FBXO47: variants seen among roughly 807,000 people sequenced by gnomAD.
FBXO47 encodes F-box only protein 47.
FBXO47 carries 34 observed loss-of-function variants against 53.9 expected under a neutral mutation model. The ratio of observed to expected loss-of-function variants is 0.63; its 90% CI spans 0.48 to 0.84. The LOEUF (loss-of-function observed/expected upper bound fraction) is 0.84, where lower values mean the gene tolerates loss of function less well. Among genes scored for constraint, FBXO47 ranks in the 40% least tolerant of loss-of-function variants. The pLI is 0.00. For missense variants in FBXO47, 485 were observed against 541.3 expected (o/e 0.90, Z 1.03); for synonymous variants, 165 against 181.6 (o/e 0.91, Z 0.73).
intron 1 of FBXO47, among the ~76,000 whole-genome samples, chr17:38,965,531 A>G (rs1906059436): frequency 6.6e-6 from 1 of 152,036 alleles, no homozygotes; most frequent in South Asian, 2.1e-4. Flanking sequence ...GATTGGGGTC[A>G]GTATTCAGTG....
At chr17:38,946,605 T>TGA (rs1904876338) in intron 6 of FBXO47, among the ~76,000 whole-genome samples, 12 of 73,640 alleles carry the variant, frequency 1.6e-4, no homozygotes, top group African/African-American at 2.7e-4. Flanking sequence ...AATATATGAA[T>TGA]ATATATAACT....
chr17:38,939,683 C>T (rs547719059), intron 9 of FBXO47, among the ~76,000 whole-genome samples: 5 of 96,420 alleles, frequency 5.2e-5, no homozygotes, highest in East Asian at 7.2e-4. Flanking sequence ...TTTTTTGAGA[C>T]GGAGTCTCAC....
At chr17:38,960,630 CTTTTT>C (rs947161295) in intron 3 of FBXO47, among the ~76,000 whole-genome samples, 1 of 132,522 alleles carries the variant, frequency 7.5e-6, no homozygotes. Flanking sequence ...AATTCTTTCT[CTTTTT>C]TTTTTTTTTT....
rs1273076719 is a variant in FBXO47 at position 38,947,085 on chromosome 17, T to C, written c.617-1949A>G. ...AAATATATATAAACATATATAAACA[T>C]ATATATAAACATATATATAAACATA... On this transcript the variant is annotated intron_variant, in intron 6 of 10. Coordinates refer to ENST00000378079, the MANE Select transcript of FBXO47 (RefSeq NM_001008777.3). Among the ~76,000 whole-genome samples, 7 of 113,932 alleles carry C rather than the reference T, an allele frequency of 6.1e-5. No homozygotes were observed. The East Asian group carries it at 1.8e-3, about 29-fold the overall frequency. The allele number at this position is 113,932 out of a possible 152,430, so 74.7% of individuals were successfully genotyped here.
rs1430582955 is a variant in FBXO47, at chr17:38,957,160, T to G, written c.429+17A>C. The G allele has an allele frequency of 6.7e-7, 1 of 1,489,300 alleles. No homozygotes were observed. Among genetic ancestry groups the G allele is most frequent in the Non-Finnish European group, 9.4e-7 (1 of 1,069,416 alleles). The allele number at this position is 1,489,300 out of a possible 1,614,324, so 92.3% of individuals were successfully genotyped here. A position where few individuals can be genotyped will look rare whatever the true frequency, so the allele number is the denominator to read the frequency against. ...TGGAAATCAAGATTGTAAACTAATTTAGAAGTATGATCTTACTTCTGTGAG... is the reference window on the plus strand; with the variant it reads ...TGGAAATCAAGATTGTAAACTAATTGAGAAGTATGATCTTACTTCTGTGAG... On this transcript the variant is annotated intron_variant, in intron 4 of 10. Coordinates refer to ENST00000378079, the MANE Select transcript of FBXO47 (RefSeq NM_001008777.3).
chr17:38,945,852 C>G (rs1034280757), intron 6 of FBXO47, among the ~76,000 whole-genome samples: 1 of 148,354 alleles, frequency 6.7e-6, no homozygotes. Flanking sequence ...AGGAGAATGG[C>G]GTTAACCCGG....
chr17:38,946,195 AAT>A (rs1398748027), intron 6 of FBXO47, among the ~76,000 whole-genome samples: 2 of 114,364 alleles, frequency 1.7e-5, no homozygotes, highest in Non-Finnish European at 3.2e-5. Flanking sequence ...AATATATAAA[AAT>A]ATATATAAAT....
intron 5 of FBXO47, among the ~76,000 whole-genome samples, chr17:38,953,126 CA>C (rs1205199365): frequency 1.6e-4 from 4 of 24,458 alleles, no homozygotes; most frequent in East Asian, 2.1e-3. Context: ...AAAAAAAAAC[CA>C]CACACACACA....
rs1171412981 is a variant in FBXO47, at chr17:38,957,169, G to C, written c.429+8C>G. On this transcript the variant is annotated splice_region_variant and intron_variant, in intron 4 of 10. Transcript: ENST00000378079. The stretch of plus-strand genomic sequence containing the variant: ...AGATTGTAAACTAATTTAGAAGTAT[G>C]ATCTTACTTCTGTGAGTATCTTGTG... The C allele has an allele frequency of 6.4e-7, 1 of 1,557,046 alleles. No homozygotes were observed. Among genetic ancestry groups the C allele is most frequent in the Non-Finnish European group, 8.9e-7 (1 of 1,129,750 alleles).
At position 38,947,686 on chromosome 17, in the gene FBXO47, G is replaced by C. The variant is rs560672730; in HGVS notation, c.617-2550C>G. Among the ~76,000 whole-genome samples the C allele has an allele frequency of 1.3e-3, 196 of 152,232 alleles. 1 individual carries two copies. The highest frequency in any genetic ancestry group is 4.2e-3 in the African/African-American group (173 of 41,548). The stretch of plus-strand genomic sequence containing the variant: ...GCACTTTGGGAGGTTGAGGCGGGTG[G>C]ATCATGAGGTCAGGAGATTGAGACC... On this transcript the variant is annotated intron_variant, in intron 6 of 10. Transcript: ENST00000378079.
chr17:38,946,929 TATAAATATATATAAAC>T (rs1904943695), intron 6 of FBXO47, among the ~76,000 whole-genome samples: 2 of 122,024 alleles, frequency 1.6e-5, no homozygotes, highest in African/African-American at 6.6e-5. Flanking sequence ...TATATAAACA[TATAAATATATATAAAC>T]ATATATAAAT....
intron 10 of FBXO47, 91 bp downstream of exon 10, chr17:38,938,482 C>G: frequency 3.9e-6 from 3 of 761,092 alleles, no homozygotes; most frequent in Non-Finnish European, 3.7e-6. Context: ...TTTTTCCATT[C>G]TTGGACTGTT....
intron 6 of FBXO47, among the ~76,000 whole-genome samples, chr17:38,946,289 T>A (rs1422627214): frequency 4.1e-5 from 4 of 98,522 alleles, no homozygotes; most frequent in Non-Finnish European, 7.1e-5. Flanking sequence ...TATATATAAA[T>A]ATATAAAAAT....
At chr17:38,963,913 C>T (rs1905959596) in intron 1 of FBXO47, among the ~76,000 whole-genome samples, 1 of 150,320 alleles carries the variant, frequency 6.7e-6, no homozygotes, top group South Asian at 2.1e-4. Flanking sequence ...CCTCCTGCCT[C>T]AGCCTCCTGA....
chr17:38,963,408 C>T (rs949915872), intron 1 of FBXO47, among the ~76,000 whole-genome samples: 20 of 152,172 alleles, frequency 1.3e-4, no homozygotes, highest in African/African-American at 4.8e-4. Context: ...AACTCCTGAC[C>T]TCAGGTGATC....
intron 6 of FBXO47, among the ~76,000 whole-genome samples, chr17:38,947,121 CATATATATAAAT>C (rs1567717791): frequency 8.6e-6 from 1 of 116,600 alleles, no homozygotes; most frequent in East Asian, 2.2e-4. Flanking sequence ...TATATATAAA[CATATATATAAAT>C]ATATATATAT....
intron 9 of FBXO47, among the ~76,000 whole-genome samples, chr17:38,941,452 G>T (rs1482117072): frequency 1.3e-5 from 2 of 149,784 alleles, no homozygotes; most frequent in Non-Finnish European, 2.9e-5. Flanking sequence ...TTACAGGCAT[G>T]AGCCATCATG....
intron 7 of FBXO47, 98 bp downstream of exon 7, chr17:38,944,862 G>A: frequency 1.2e-6 from 1 of 857,238 alleles, no homozygotes; most frequent in South Asian, 1.6e-5. Flanking sequence ...GTGTGTGTGT[G>A]TGTGTGTGTA....
chr17:38,958,336 C>T (rs1905655285), intron 3 of FBXO47, among the ~76,000 whole-genome samples: 1 of 151,974 alleles, frequency 6.6e-6, no homozygotes, highest in African/African-American at 2.4e-5. Flanking sequence ...CTTAAAATTT[C>T]AGAAGCTAGA....
Sources: allele counts gnomAD v4.1 joint callset (sites outside exome capture counted in the v4.1 genomes callset), GRCh38; gene constraint gnomAD v4.1.1; transcripts MANE v1.5; gene names NCBI Gene and HGNC (gene_info 2026-07-23, HGNC 2026-07-21).